Variants in MYOCD observed in about 807,000 individuals in gnomAD.
MYOCD encodes myocardin.
MYOCD carries 32 observed loss-of-function variants against 96.1 expected under a neutral mutation model. The observed-to-expected ratio is 0.33, with a 90% CI of 0.25 to 0.45. The LOEUF is 0.45. Ranked by LOEUF, MYOCD falls within the 20% of genes least tolerant of loss-of-function variation. MYOCD has a pLI of 1.00. For synonymous variants in MYOCD, 469 were observed against 469.0 expected, an observed-to-expected ratio of 1.00 and a Z score of 0.00; for missense variants, 1,133 against 1,200.6, an observed-to-expected ratio of 0.94 and a Z score of 0.83.
intron 1 of MYOCD, among the ~76,000 whole-genome samples, chr17:12,677,476 G>T (rs1309852258): frequency 6.6e-6 from 1 of 152,090 alleles, no homozygotes; most frequent in Non-Finnish European, 1.5e-5. Flanking sequence ...ACTTTGGGAG[G>T]CCAAGATGGG....
In MYOCD at chr17:12,752,763, G is replaced by A; in HGVS notation, c.1475G>A (p.Cys492Tyr). The A allele has an allele frequency of 6.2e-7, 1 of 1,614,124 alleles. No homozygotes were observed. Among genetic ancestry groups the A allele is most frequent in the Non-Finnish European group, 8.5e-7 (1 of 1,180,026 alleles). ...CTGCACCCGTCCCCAGTCCACGTGT[G>A]CACGGAGGAAAGTCTCATGAGCAGC... The part of the protein sequence containing the change: ...FGLHPSPVHV[C>Y]TEESLMSSLN... Residue 492 changes from cysteine to tyrosine, a missense_variant, in exon 10 of 14, where the codon TGC becomes TAC. Physicochemically the swap from Cys to Tyr is radical, Grantham distance 194 (BLOSUM62 -2). Coordinates refer to ENST00000425538, the MANE Select transcript of MYOCD (RefSeq NM_001146312.3).
At chr17:12,688,269 G>A (rs1567572551) in intron 1 of MYOCD, among the ~76,000 whole-genome samples, 1 of 152,144 alleles carries the variant, frequency 6.6e-6, no homozygotes, top group Non-Finnish European at 1.5e-5. Context: ...AGCATGGATG[G>A]GCAATAACCC....
At chr17:12,706,514 C>A (rs1194161329) in intron 2 of MYOCD, among the ~76,000 whole-genome samples, 3 of 152,192 alleles carry the variant, frequency 2.0e-5, no homozygotes. Flanking sequence ...GCAAATGGAC[C>A]TGCAACCTTT....
In MYOCD at chr17:12,768,255, T is replaced by G. The variant is rs2033391265; in HGVS notation, c.*4611T>G. ...TAAGGAGCTGGGTTTGATTCTAGAGTCCAGGTTTATAGAGAAACCCTGGCT... is the reference window on the plus strand; with the variant it reads ...TAAGGAGCTGGGTTTGATTCTAGAGGCCAGGTTTATAGAGAAACCCTGGCT... On this transcript the variant is annotated 3_prime_UTR_variant, in exon 14 of 14. Transcript: ENST00000425538. The G allele has an allele frequency of 1.3e-5, 2 of 152,032 alleles. No individual in the cohort carries two copies. The highest frequency in any genetic ancestry group is 4.8e-5 in the African/African-American group (2 of 41,386). The allele number at this position is 152,032 out of a possible 1,614,324, so 9.4% of individuals were successfully genotyped here.
At chr17:12,722,718 A>G (rs1053979557) in intron 4 of MYOCD, 129 bp from the exon 5 acceptor site, 69 of 710,050 alleles carry the variant, frequency 9.7e-5, no homozygotes, top group Middle Eastern at 3.3e-4. Flanking sequence ...TGATGATTGC[A>G]TCGAAAAATT....
At position 12,763,358 on chromosome 17, in the gene MYOCD, G is replaced by A. The variant is rs1270705368; in HGVS notation, c.2675G>A (p.Gly892Glu). ...GATGGGATAATGGATGGATTCTCTG[G>A]GAAGGCTGCAGAAGACCTCTTCAAT... ...HFDGIMDGFS[G>E]KAAEDLFNAH... The change falls in exon 14 of 14, where the codon GGG (glycine) becomes GAG (glutamate). Residue 892 changes from glycine (G) to glutamate (E), a missense_variant. Physicochemically the swap from Gly to Glu is moderately conservative, Grantham distance 98. Coordinates refer to ENST00000425538, the MANE Select transcript of MYOCD (RefSeq NM_001146312.3). 6.3e-7 allele frequency: 1 copy of A among 1,598,642 alleles called. No individual in the cohort carries two copies. Among genetic ancestry groups the A allele is most frequent in the Non-Finnish European group, 8.5e-7 (1 of 1,172,386 alleles).
intron 1 of MYOCD, among the ~76,000 whole-genome samples, chr17:12,687,514 A>G (rs1355753653): frequency 6.6e-6 from 1 of 152,080 alleles, no homozygotes; most frequent in South Asian, 2.1e-4. Context: ...CTCATCTTTT[A>G]TTTTTGTTTT....
chr17:12,674,809 G>C (rs999586634), intron 1 of MYOCD, among the ~76,000 whole-genome samples: 2 of 152,114 alleles, frequency 1.3e-5, no homozygotes, highest in African/African-American at 4.8e-5. Context: ...ATTCCGTATG[G>C]ATTAAAGAGC....
At chr17:12,745,755 G>A (rs1468553878) in intron 8 of MYOCD, among the ~76,000 whole-genome samples, 164 bp from the exon 9 acceptor site, 2 of 152,084 alleles carry the variant, frequency 1.3e-5, no homozygotes, top group Non-Finnish European at 2.9e-5. Flanking sequence ...GTCACGCACC[G>A]CTTACCGTCT....
intron 2 of MYOCD, among the ~76,000 whole-genome samples, chr17:12,710,091 G>A (rs887215354): frequency 1.3e-5 from 2 of 152,066 alleles, no homozygotes; most frequent in Non-Finnish European, 2.9e-5. Context: ...AGTCTAGGAG[G>A]GGCCCCAAAC....
intron 6 of MYOCD, among the ~76,000 whole-genome samples, chr17:12,737,676 A>G (rs925831984): frequency 6.6e-6 from 1 of 152,202 alleles, no homozygotes; most frequent in Non-Finnish European, 1.5e-5. Flanking sequence ...GAAATTGTGC[A>G]ATGAACTGAA....
chr17:12,717,482 A>G, intron 4 of MYOCD, 61 bp downstream of exon 4: 1 of 1,359,960 alleles, frequency 7.4e-7, no homozygotes, highest in Non-Finnish European at 1.0e-6. Context: ...ATTTTCCCAG[A>G]GTTACTTGTC....
intron 1 of MYOCD, among the ~76,000 whole-genome samples, chr17:12,679,974 T>G (rs186175763): frequency 2.0e-3 from 298 of 152,326 alleles, no homozygotes; most frequent in African/African-American, 6.7e-3. Flanking sequence ...TCCTGAAACT[T>G]TTATACATTT....
In MYOCD at chr17:12,763,700, C is replaced by A; in HGVS notation, c.*56C>A. On this transcript the variant is annotated 3_prime_UTR_variant, in exon 14 of 14. Transcript: ENST00000425538. The stretch of plus-strand genomic sequence containing the variant: ...CAATGGAGTTCCATGGGGGAAAGCA[C>A]ACAGCCATACATACTTTACTGTCCA... 3 of 1,424,836 alleles carry A rather than the reference C, an allele frequency of 2.1e-6. No homozygotes were observed. Among genetic ancestry groups the A allele is most frequent in the Non-Finnish European group, 2.9e-6 (3 of 1,034,526 alleles). The allele number at this position is 1,424,836 out of a possible 1,614,324, so 88.3% of individuals were successfully genotyped here. A position where few individuals can be genotyped will look rare whatever the true frequency, so the allele number is the denominator to read the frequency against.
At chr17:12,720,389 C>G (rs1248916038) in intron 4 of MYOCD, 1 of 152,214 alleles carries the variant, frequency 6.6e-6, no homozygotes, top group African/African-American at 2.4e-5. Context: ...TTCTACTAAA[C>G]CTTCCGCTCC....
intron 2 of MYOCD, among the ~76,000 whole-genome samples, chr17:12,707,584 G>A (rs1396270034): frequency 6.6e-6 from 1 of 152,112 alleles, no homozygotes; most frequent in Non-Finnish European, 1.5e-5. Flanking sequence ...TGTGGTGGCA[G>A]GCACCTGTAG....
rs1189608940 is a variant in MYOCD at position 12,665,897 on chromosome 17, G to C, written c.-292G>C. 2 of 406,086 alleles carry C rather than the reference G, an allele frequency of 4.9e-6. No individual in the cohort carries two copies. The highest frequency in any genetic ancestry group is 8.8e-6 in the Non-Finnish European group (2 of 227,942). 25.2% of individuals were successfully genotyped at this position (406,086 alleles called of 1,614,324 possible). On this transcript the variant is annotated 5_prime_UTR_variant, in exon 1 of 14. Coordinates refer to ENST00000425538, the MANE Select transcript of MYOCD (RefSeq NM_001146312.3). This position sits in a 1 kb window ranked among gnomAD's most constrained non-coding sequence, Gnocchi z 4.2. ...GTGGTGGCGATTCTCCGCAATCGCCGGCAGCCTATGACATCAGACAGGAAC... is the reference window on the plus strand; with the variant it reads ...GTGGTGGCGATTCTCCGCAATCGCCCGCAGCCTATGACATCAGACAGGAAC...
chr17:12,742,154 G>C (rs987632865), intron 7 of MYOCD, among the ~76,000 whole-genome samples: 5 of 152,040 alleles, frequency 3.3e-5, no homozygotes, highest in Admixed American at 1.3e-4. Context: ...AGCTGGTTTC[G>C]GGAGCCCTGC....
At chr17:12,738,597 CGCATGCACGTACACACAT>C (rs2032414362) in intron 6 of MYOCD, among the ~76,000 whole-genome samples, 1 of 152,002 alleles carries the variant, frequency 6.6e-6, no homozygotes, top group Non-Finnish European at 1.5e-5. Flanking sequence ...CTCATAAGCA[CGCATGCACGTACACACAT>C]ACATGCACAT....
Sources: allele counts gnomAD v4.1 joint callset (sites outside exome capture counted in the v4.1 genomes callset), GRCh38; gene constraint gnomAD v4.1.1; non-coding constraint Gnocchi (gnomAD v3.1); transcripts MANE v1.5; gene names NCBI Gene and HGNC (gene_info 2026-07-23, HGNC 2026-07-21).